Variants in PCDH7 observed in about 807,000 individuals in gnomAD.
PCDH7 encodes the protein protocadherin-7.
A neutral mutation model predicts 58.9 loss-of-function variants in PCDH7; 17 were observed. That is an observed-to-expected ratio of 0.29 (90% CI 0.20 to 0.43). PCDH7 has a LOEUF of 0.43. Among genes scored for constraint, PCDH7 ranks in the 20% least tolerant of loss-of-function variants. PCDH7 has a pLI of 1.00. For synonymous variants in PCDH7, 664 were observed against 616.4 expected, an observed-to-expected ratio of 1.08 and a Z score of -1.14; for missense variants, 1,274 against 1,441.0, an observed-to-expected ratio of 0.88 and a Z score of 1.88.
In PCDH7 at chr4:30,722,136, C is replaced by G. The variant is rs753588901; in HGVS notation, c.714C>G (p.Gly238=). ...AGGGCGGCGGCGGCACCAACCCCGG[C>G]GGCCGCAGCAGCGTGTTCGAGCTGC... Residue 238 remains glycine, a synonymous_variant, in exon 1 of 2, where the codon GGC becomes GGG. Coordinates refer to ENST00000361762, the Ensembl canonical transcript of PCDH7. This position sits in a 1 kb window ranked among gnomAD's most constrained non-coding sequence, Gnocchi z 7.6. 1 of 1,445,640 alleles carries G rather than the reference C, an allele frequency of 6.9e-7. No homozygotes were observed. Among genetic ancestry groups the G allele is most frequent in the Admixed American group, 2.6e-5 (1 of 38,342 alleles). The allele number at this position is 1,445,640 out of a possible 1,614,324, so 89.6% of individuals were successfully genotyped here.
chr4:30,869,650 A>G (rs937980348), intron 1 of PCDH7, among the ~76,000 whole-genome samples: 10 of 152,314 alleles, frequency 6.6e-5, no homozygotes, highest in Admixed American at 6.5e-4. Flanking sequence ...TCCATGGTGT[A>G]TATATGCCAC....
At chr4:30,735,625 G>A (rs942820651), downstream of PCDH7, among the ~76,000 whole-genome samples, 11 of 152,158 alleles carry the variant, frequency 7.2e-5, no homozygotes, top group Admixed American at 2.0e-4. Flanking sequence ...CTTAAGAAAC[G>A]GGAATTTTGA....
chr4:31,012,763 G>C (rs1405325756), intron 3 of PCDH7, among the ~76,000 whole-genome samples: 1 of 150,582 alleles, frequency 6.6e-6, no homozygotes, highest in Non-Finnish European at 1.5e-5. Context: ...CAGCACTTTA[G>C]GAAGCCTAGG....
intron 1 of PCDH7, among the ~76,000 whole-genome samples, chr4:30,887,740 GA>G (rs1204668998): frequency 1.3e-5 from 2 of 152,084 alleles, no homozygotes; most frequent in Non-Finnish European, 2.9e-5. Flanking sequence ...CATACATCAG[GA>G]CATGTAGAAC....
intron 3 of PCDH7, among the ~76,000 whole-genome samples, chr4:30,990,602 G>A: frequency 6.6e-6 from 1 of 152,074 alleles, no homozygotes; most frequent in Admixed American, 6.6e-5. Context: ...CACTTATTAA[G>A]TAGCTACTAA....
chr4:30,792,740 T>C (rs1451235473), intron 1 of PCDH7, among the ~76,000 whole-genome samples: 1 of 152,176 alleles, frequency 6.6e-6, no homozygotes, highest in African/African-American at 2.4e-5. Context: ...TCCAGGTCTC[T>C]AATCTTTCTT....
At chr4:30,832,379 A>G (rs758560570) in intron 1 of PCDH7, among the ~76,000 whole-genome samples, 2 of 152,180 alleles carry the variant, frequency 1.3e-5, no homozygotes, top group Non-Finnish European at 2.9e-5. Flanking sequence ...TACATCTGGT[A>G]TATTCTGAAA....
intron 3 of PCDH7, among the ~76,000 whole-genome samples, chr4:31,110,468 A>G (rs922819769): frequency 1.3e-5 from 2 of 152,240 alleles, no homozygotes; most frequent in African/African-American, 4.8e-5. Context: ...GTGAAGTTCC[A>G]TTAGATATAA....
chr4:30,791,571 G>A (rs1724127154), intron 1 of PCDH7, among the ~76,000 whole-genome samples: 1 of 152,164 alleles, frequency 6.6e-6, no homozygotes, highest in Admixed American at 6.5e-5. Context: ...TTGTCAAAAG[G>A]TGAAATGCCT....
intron 3 of PCDH7, among the ~76,000 whole-genome samples, chr4:30,983,320 T>C (rs182253828): frequency 1.3e-5 from 2 of 152,326 alleles, no homozygotes; most frequent in African/African-American, 4.8e-5. Context: ...GCAATTTTGT[T>C]TTAAACTATA....
At chr4:30,815,781 A>C (rs138634356) in intron 1 of PCDH7, among the ~76,000 whole-genome samples, 8 of 152,300 alleles carry the variant, frequency 5.3e-5, no homozygotes, top group African/African-American at 1.9e-4. Flanking sequence ...AAGTTTTTCT[A>C]TCTATTGGGA....
chr4:30,865,515 C>T (rs1371528783), intron 1 of PCDH7, among the ~76,000 whole-genome samples: 1 of 151,984 alleles, frequency 6.6e-6, no homozygotes, highest in East Asian at 1.9e-4. Context: ...ATGTGAGCAA[C>T]ATTGTTCCAA....
intron 3 of PCDH7, among the ~76,000 whole-genome samples, chr4:31,053,404 C>CGTCG (rs1756911751): frequency 1.3e-5 from 2 of 151,932 alleles, no homozygotes; most frequent in Non-Finnish European, 2.9e-5. Context: ...ATCATCCTTC[C>CGTCG]ATCGAGGCCA....
intron 1 of PCDH7, among the ~76,000 whole-genome samples, chr4:30,795,070 G>A (rs1023184229): frequency 5.3e-5 from 8 of 151,980 alleles, no homozygotes; most frequent in African/African-American, 1.2e-4. Context: ...ATTAAAAGGC[G>A]AATTATTTAG....
intron 1 of PCDH7, among the ~76,000 whole-genome samples, chr4:30,915,061 TTTCA>T (rs1049189009): frequency 6.6e-6 from 1 of 152,212 alleles, no homozygotes; most frequent in African/African-American, 2.4e-5. Context: ...CTTTGCTCTC[TTTCA>T]TTCTGCTCCC....
At chr4:30,834,944 T>C (rs1490906247) in intron 1 of PCDH7, among the ~76,000 whole-genome samples, 1 of 150,170 alleles carries the variant, frequency 6.7e-6, no homozygotes, top group Non-Finnish European at 1.5e-5. Context: ...CACACACACA[T>C]ATATATTCAT....
At chr4:30,773,586 CT>C (rs1442146563) in intron 1 of PCDH7, among the ~76,000 whole-genome samples, 1 of 151,866 alleles carries the variant, frequency 6.6e-6, no homozygotes, top group Non-Finnish European at 1.5e-5. Context: ...TTATGTTTTC[CT>C]TATACAAGAC....
rs576086418 is a variant in PCDH7, at chr4:30,915,689, A to G, written c.71-4464A>G. Among the ~76,000 whole-genome samples the G allele has an allele frequency of 9.2e-5, 14 of 152,116 alleles. No homozygotes were observed. In the South Asian group the frequency reaches 2.9e-3, roughly 32 times the overall value. ...TAGACATGTACCACCACGTCCAGCT[A>G]ATTTTTGTAGTTTTGGTAGAGACGG... On this transcript the variant is annotated intron_variant, in intron 1 of 3. Transcript: ENST00000509759.
intron 1 of PCDH7, among the ~76,000 whole-genome samples, chr4:30,749,805 T>G (rs946848147): frequency 1.4e-4 from 22 of 152,154 alleles, no homozygotes; most frequent in Non-Finnish European, 4.4e-5. Flanking sequence ...ATAAGGCCAG[T>G]GCAGTACAAT....
Sources: allele counts gnomAD v4.1 joint callset (sites outside exome capture counted in the v4.1 genomes callset), GRCh38; gene constraint gnomAD v4.1.1; non-coding constraint Gnocchi (gnomAD v3.1); transcripts MANE v1.5; gene names NCBI Gene and HGNC (gene_info 2026-07-23, HGNC 2026-07-21).